The following STAU2 variants were observed in gnomAD, a reference collection of about 807,000 sequenced individuals.
The protein encoded by STAU2 is double-stranded RNA-binding protein Staufen homolog 2.
A neutral mutation model predicts 65.9 loss-of-function variants in STAU2; 20 were observed. The observed-to-expected ratio is 0.30, with a 90% CI of 0.21 to 0.44. STAU2 has a LOEUF of 0.44. STAU2 is among the 20% of genes least tolerant of loss of function. The pLI, the probability that STAU2 is intolerant of heterozygous loss-of-function variation, is 1.00. For synonymous variants in STAU2, 232 were observed against 233.9 expected (o/e 0.99, Z 0.07); for missense variants, 558 against 683.9 (o/e 0.82, Z 2.05).
chr8:73,699,598 A>G lies in STAU2; in HGVS notation c.114+9434T>C, dbSNP rs530038862. Among the ~76,000 whole-genome samples the G allele has an allele frequency of 3.0e-4, 45 of 152,136 alleles. No homozygotes were observed. In the South Asian group the frequency reaches 9.1e-3, roughly 31 times the overall value. ...AACAGACAAATTCCTAGACACATAC[A>G]CCCTACAAAGATTGAACCCGGAAGA... On this transcript the variant is annotated intron_variant, in intron 4 of 14. Transcript: ENST00000524300.
chr8:73,440,299 C>A (rs1410112226), intron 13 of STAU2: 1 of 152,202 alleles, frequency 6.6e-6, no homozygotes, highest in African/African-American at 2.4e-5. Flanking sequence ...TTTAGCCTGG[C>A]CTCCTGCCCT....
chr8:73,613,225 T>G (rs57456632), intron 9 of STAU2, among the ~76,000 whole-genome samples: 2 of 152,118 alleles, frequency 1.3e-5, no homozygotes, highest in Non-Finnish European at 2.9e-5. Context: ...TAGCTATCAT[T>G]GTTAGTATTA....
chr8:73,659,723 T>C (rs1440699472), intron 6 of STAU2, among the ~76,000 whole-genome samples: 1 of 152,174 alleles, frequency 6.6e-6, no homozygotes, highest in Admixed American at 6.5e-5. Flanking sequence ...AACAGATTAA[T>C]AAAACTAGCC....
rs1245323726 is a variant in STAU2 at position 73,421,062 on chromosome 8, A to C, written c.*310T>G. ...ACTTCTCTATTATTAATCATGTTAA[A>C]ATTTTAGCTTTGTTTCTAACACTTT... On this transcript the variant is annotated 3_prime_UTR_variant, in exon 15 of 15. Transcript: ENST00000524300. 1 of 256,536 alleles carries C rather than the reference A, an allele frequency of 3.9e-6. No individual in the cohort carries two copies. Among genetic ancestry groups the C allele is most frequent in the African/African-American group, 2.2e-5 (1 of 44,938 alleles). 15.9% of individuals were successfully genotyped at this position (256,536 alleles called of 1,614,324 possible). A position where few individuals can be genotyped will look rare whatever the true frequency, so the allele number is the denominator to read the frequency against.
chr8:73,554,418 C>A (rs1428287494), intron 12 of STAU2, among the ~76,000 whole-genome samples: 1 of 152,224 alleles, frequency 6.6e-6, no homozygotes, highest in Non-Finnish European at 1.5e-5. Context: ...CAGACAGAAG[C>A]CAGTCCTCTG....
intron 6 of STAU2, among the ~76,000 whole-genome samples, chr8:73,657,433 A>G (rs567387036): frequency 6.6e-6 from 1 of 152,232 alleles, no homozygotes; most frequent in Non-Finnish European, 1.5e-5. Flanking sequence ...CTAGAAAATC[A>G]ATACTGAAAG....
At chr8:73,736,429 T>C (rs1440535448) in intron 3 of STAU2, among the ~76,000 whole-genome samples, 1 of 152,220 alleles carries the variant, frequency 6.6e-6, no homozygotes, top group Non-Finnish European at 1.5e-5. Context: ...GGGAGACAGA[T>C]GTTACAACAA....
chr8:73,456,202 T>A (rs1819053321), intron 13 of STAU2, among the ~76,000 whole-genome samples: 2 of 152,164 alleles, frequency 1.3e-5, no homozygotes, highest in East Asian at 1.9e-4. Flanking sequence ...TCAAACGGAA[T>A]AAATAAATGT....
intron 6 of STAU2, among the ~76,000 whole-genome samples, chr8:73,619,944 A>G (rs1269571465): frequency 3.3e-5 from 5 of 152,072 alleles, no homozygotes; most frequent in Non-Finnish European, 7.4e-5. Flanking sequence ...TTAATTTAAG[A>G]TAACGCATTT....
At chr8:73,718,813 C>G (rs996607847) in intron 3 of STAU2, among the ~76,000 whole-genome samples, 1 of 152,148 alleles carries the variant, frequency 6.6e-6, no homozygotes, top group Admixed American at 6.5e-5. Flanking sequence ...AAATGCTACT[C>G]TTTTATTTTC....
At chr8:73,627,211 G>GGC (rs1813718237) in intron 6 of STAU2, among the ~76,000 whole-genome samples, 1 of 44,980 alleles carries the variant, frequency 2.2e-5, no homozygotes, top group African/African-American at 7.7e-5. Context: ...AATACGGCGG[G>GGC]GGGGGGGGGG....
At chr8:73,665,890 C>T (rs912104612) in intron 6 of STAU2, among the ~76,000 whole-genome samples, 3 of 152,130 alleles carry the variant, frequency 2.0e-5, no homozygotes, top group African/African-American at 2.4e-5. Context: ...CTCCCATATA[C>T]ATTAAGTCAT....
intron 12 of STAU2, among the ~76,000 whole-genome samples, chr8:73,579,796 C>T (rs887073214): frequency 1.3e-5 from 2 of 152,146 alleles, no homozygotes; most frequent in African/African-American, 2.4e-5. Context: ...CTGAGCAGCA[C>T]CCAAAAACTA....
chr8:73,423,256 T>C (rs10283372), intron 13 of STAU2, among the ~76,000 whole-genome samples: 71,184 of 152,030 alleles, frequency 0.47, 17,117 homozygotes, highest in African/African-American at 0.56. Flanking sequence ...GCTGGTCATG[T>C]TCTGGGGAGG....
At chr8:73,673,042 G>A in intron 6 of STAU2, 65 bp downstream of exon 6, 1 of 1,378,428 alleles carries the variant, frequency 7.3e-7, no homozygotes, top group Non-Finnish European at 9.6e-7. Context: ...TCTTTTGAGT[G>A]TGAGAAACTT....
At chr8:73,695,683 G>C (rs1490337440) in intron 4 of STAU2, among the ~76,000 whole-genome samples, 5 of 152,126 alleles carry the variant, frequency 3.3e-5, no homozygotes, top group Non-Finnish European at 7.4e-5. Flanking sequence ...ACCTACGCTG[G>C]ACAGCATTTC....
intron 13 of STAU2, among the ~76,000 whole-genome samples, chr8:73,530,762 T>G (rs549434016): frequency 6.6e-6 from 1 of 152,188 alleles, no homozygotes; most frequent in East Asian, 1.9e-4. Context: ...TAAAGGAAGA[T>G]ATGATCACTG....
chr8:73,741,721 C>T (rs1433300747), intron 1 of STAU2, among the ~76,000 whole-genome samples: 2 of 152,134 alleles, frequency 1.3e-5, no homozygotes, highest in Non-Finnish European at 2.9e-5. Context: ...CCATGTTGGC[C>T]AGGCTGGTCT....
At chr8:73,502,219 C>A (rs1463434550) in intron 13 of STAU2, among the ~76,000 whole-genome samples, 6 of 151,484 alleles carry the variant, frequency 4.0e-5, no homozygotes, top group African/African-American at 1.5e-4. Flanking sequence ...ATAATGTTAC[C>A]AATAGAGCAT....
Sources: allele counts gnomAD v4.1 joint callset (sites outside exome capture counted in the v4.1 genomes callset), GRCh38; gene constraint gnomAD v4.1.1; transcripts MANE v1.5; gene names NCBI Gene and HGNC (gene_info 2026-07-23, HGNC 2026-07-21).